Variants in PRDM9 observed in about 807,000 individuals in gnomAD.
PRDM9 encodes histone-lysine N-methyltransferase PRDM9.
PRDM9 carries 47 observed loss-of-function variants against 55.6 expected under a neutral mutation model. The observed-to-expected ratio is 0.85, with a 90% confidence interval of 0.67 to 1.08. The LOEUF is 1.08. PRDM9 is among the 50% of genes least tolerant of loss of function. PRDM9 has a pLI of 0.00. For synonymous variants in PRDM9, 312 were observed against 375.7 expected (o/e 0.83, Z 1.96); for missense variants, 867 against 1,040.3 (o/e 0.83, Z 2.29).
rs186504490 is a variant in PRDM9 at position 23,509,519 on chromosome 5, G to A, written c.119G>A (p.Trp40Ter). 137 of 1,614,170 alleles carry A rather than the reference G, an allele frequency of 8.5e-5. 1 individual carries two copies. The African/African-American group carries it at 1.7e-3, about 19-fold the overall frequency. Residue 40 changes from tryptophan to a stop codon, truncating the protein, a stop_gained, in exon 3 of 11, where the codon TGG becomes TAG. Coordinates refer to ENST00000296682, the MANE Select transcript of PRDM9 (RefSeq NM_020227.4). LOFTEE classifies it high-confidence loss of function. ...DISIYFTKEE[W>*]AEMGDWEKTR... Reference sequence around the variant, plus strand: ...TCCATATACTTCACCAAGGAAGAATGGGCAGAGATGGGAGACTGGGAGAAA... The same window carrying A: ...TCCATATACTTCACCAAGGAAGAATAGGCAGAGATGGGAGACTGGGAGAAA...
chr5:23,513,872 C>A (rs1423383239), intron 4 of PRDM9, among the ~76,000 whole-genome samples: 1 of 151,926 alleles, frequency 6.6e-6, no homozygotes, highest in Non-Finnish European at 1.5e-5. Flanking sequence ...GAACGAGACG[C>A]CGTGTCAAAA....
At chr5:23,510,131 T>A in intron 4 of PRDM9, 104 bp downstream of exon 4, 1 of 1,154,928 alleles carries the variant, frequency 8.7e-7, no homozygotes, top group Non-Finnish European at 1.2e-6. Flanking sequence ...CTTGGCTCAC[T>A]GCAATCTCCA....
Position 23,527,427 on chromosome 5 carries a change from A to G in PRDM9, c.2339A>G (p.Glu780Gly), listed in dbSNP as rs1359889939. ...HTGEKPYVCRECGRGFRDKSN... is the reference protein window; with the variant it reads ...HTGEKPYVCRGCGRGFRDKSN... ...GGGGAGAAGCCCTATGTCTGCAGGG[A>G]GTGTGGGCGGGGCTTTAGAGATAAG... Residue 780 changes from glutamate (E) to glycine (G), a missense_variant, in exon 11 of 11, where the codon GAG (glutamate) becomes GGG (glycine). By Grantham distance (98) the Glu-to-Gly change is moderately conservative (BLOSUM62 -2). Transcript: ENST00000296682. 1.9e-6 allele frequency: 3 copies of G among 1,598,220 alleles called. No homozygotes were observed. The East Asian group carries it at 6.8e-5, about 36-fold the overall frequency.
Position 23,521,121 on chromosome 5 carries a change from A to G in PRDM9, c.450A>G (p.Lys150=). The part of the protein sequence containing the change: ...LNASGSEQAQ[K]PVSPSGEAST... The stretch of plus-strand genomic sequence containing the variant: ...CAAGTGGCTCAGAGCAGGCTCAGAA[A>G]CCAGTGTCCCCTTCTGGAGAAGCAA... The change falls in exon 6 of 11, where the codon AAA becomes AAG. Residue 150 remains lysine (K), a synonymous_variant. Transcript: ENST00000296682. 1.2e-6 allele frequency: 2 copies of G among 1,614,076 alleles called. No homozygotes were observed. The highest frequency in any genetic ancestry group is 8.5e-7 in the Non-Finnish European group (1 of 1,180,034).
Position 23,522,670 on chromosome 5 carries a change from A to T in PRDM9, c.667A>T (p.Thr223Ser), listed in dbSNP as rs201384896. 3.7e-4 allele frequency: 599 copies of T among 1,614,030 alleles called. No individual in the cohort carries two copies. The highest frequency in any genetic ancestry group is 4.3e-4 in the Non-Finnish European group (508 of 1,180,028). The part of the protein sequence containing the change: ...IDSCAAHGPP[T>S]FVKDSAVDKG... ...CAGCTGTGCTGCCCATGGGCCCCCT[A>T]CATTTGTAAAGGACAGTGCAGTGGA... The change falls in exon 8 of 11, where the codon ACA becomes TCA. Residue 223 changes from threonine (T) to serine (S), a missense_variant. Coordinates refer to ENST00000296682, the MANE Select transcript of PRDM9 (RefSeq NM_020227.4).
At chr5:23,510,722 A>T (rs1227490344) in intron 4 of PRDM9, among the ~76,000 whole-genome samples, 2 of 151,706 alleles carry the variant, frequency 1.3e-5, no homozygotes, top group Non-Finnish European at 2.9e-5. Context: ...CCCAGGCTGG[A>T]GTGCAGTGGT....
At chr5:23,522,271 C>T in intron 6 of PRDM9, 33 bp from the exon 7 acceptor site, 1 of 1,551,784 alleles carries the variant, frequency 6.4e-7, no homozygotes, top group Non-Finnish European at 8.9e-7. Context: ...CCCCAGATTC[C>T]CAATTTTACC....
intron 10 of PRDM9, 58 bp from the exon 11 acceptor site, chr5:23,526,175 T>TC (rs1739424478): frequency 6.5e-7 from 1 of 1,526,744 alleles, no homozygotes; most frequent in African/African-American, 1.4e-5. Context: ...CTTCATACCT[T>TC]CATATGTGGT....
At position 23,521,097 on chromosome 5, in the gene PRDM9, A is replaced by G; in HGVS notation, c.426A>G (p.Ala142=). ...CAAGAACAGCAAATTTACTGAATGC[A>G]AGTGGCTCAGAGCAGGCTCAGAAAC... ...ELSRTANLLN[A]SGSEQAQKPV... is the part of the protein sequence containing the mutation. Residue 142 remains alanine (A), a synonymous_variant, in exon 6 of 11, where the codon GCA becomes GCG. Coordinates refer to ENST00000296682, the MANE Select transcript of PRDM9 (RefSeq NM_020227.4). 1.9e-6 allele frequency: 3 copies of G among 1,614,234 alleles called. No homozygotes were observed. In the East Asian group the frequency reaches 6.7e-5, roughly 36 times the overall value.
At chr5:23,524,103 A>C (rs1262538515) in intron 9 of PRDM9, among the ~76,000 whole-genome samples, 1 of 152,194 alleles carries the variant, frequency 6.6e-6, no homozygotes, top group African/African-American at 2.4e-5. Flanking sequence ...ATGGTTGATT[A>C]GGCATGGCAG....
chr5:23,525,361 C>T (rs764130110), intron 10 of PRDM9, among the ~76,000 whole-genome samples: 1 of 152,140 alleles, frequency 6.6e-6, no homozygotes, highest in Non-Finnish European at 1.5e-5. Flanking sequence ...GTGGGGAGCA[C>T]GGAGGTAAGT....
chr5:23,522,658 C>T lies in PRDM9; in HGVS notation c.655C>T (p.His219Tyr). Residue 219 changes from histidine (H) to tyrosine (Y), a missense_variant, in exon 8 of 11, where the codon CAT (histidine) becomes TAT (tyrosine). Around this residue, in one of 5 missense-constraint regions of PRDM9, gnomAD observed 662 missense variants for 711.9 expected, o/e 0.93. Transcript: ENST00000296682. ...CTTCTTCATTGACAGCTGTGCTGCCCATGGGCCCCCTACATTTGTAAAGGA... is the reference window on the plus strand; with the variant it reads ...CTTCTTCATTGACAGCTGTGCTGCCTATGGGCCCCCTACATTTGTAAAGGA... Reference protein sequence around the residue: ...QNFFIDSCAAHGPPTFVKDSA... With the variant: ...QNFFIDSCAAYGPPTFVKDSA... The T allele has an allele frequency of 6.2e-7, 1 of 1,614,218 alleles. No homozygotes were observed. The highest frequency in any genetic ancestry group is 1.3e-5 in the African/African-American group (1 of 75,072).
Position 23,513,771 on chromosome 5 carries a change from C to T in PRDM9, c.301+3744C>T, listed in dbSNP as rs542442232. On this transcript the variant is annotated intron_variant, in intron 4 of 10. Coordinates refer to ENST00000296682, the MANE Select transcript of PRDM9 (RefSeq NM_020227.4). ...GCGTGCACCTATAATCCCAGCTACT[C>T]GGTAGGCTGAAGTAGAAGAATCACT... Among the ~76,000 whole-genome samples, 5 of 152,096 alleles carry T rather than the reference C, an allele frequency of 3.3e-5. No individual in the cohort carries two copies. In the South Asian group the frequency reaches 6.2e-4, roughly 19 times the overall value.
Position 23,509,947 on chromosome 5 carries a change from T to A in PRDM9, c.221T>A (p.Met74Lys), listed in dbSNP as rs539052584. ...IGLRATRPAF[M>K]CHRRQAIKLQ... ...CTCAGAGCCACTCGACCAGCTTTCA[T>A]GTGTCACCGAAGGCAGGCCATCAAA... is the stretch of plus-strand genomic sequence containing the variant. The change falls in exon 4 of 11, where the codon ATG becomes AAG. Residue 74 changes from methionine to lysine, a missense_variant. Transcript: ENST00000296682. 6.2e-7 allele frequency: 1 copy of A among 1,613,970 alleles called. No individual in the cohort carries two copies. Among genetic ancestry groups the A allele is most frequent in the African/African-American group, 1.3e-5 (1 of 74,974 alleles).
At chr5:23,521,769 A>G (rs928500071) in intron 6 of PRDM9, among the ~76,000 whole-genome samples, 1 of 152,256 alleles carries the variant, frequency 6.6e-6, no homozygotes, top group Non-Finnish European at 1.5e-5. Context: ...GGTAATCTGT[A>G]AAATGAGACC....
At chr5:23,513,545 C>T (rs1219628829) in intron 4 of PRDM9, among the ~76,000 whole-genome samples, 1 of 152,028 alleles carries the variant, frequency 6.6e-6, no homozygotes, top group Non-Finnish European at 1.5e-5. Context: ...TTCAACTTCC[C>T]AGCCTCCAGA....
rs200367474 is a variant in PRDM9 at position 23,526,896 on chromosome 5, C to A, written c.1808C>A (p.Thr603Lys). The A allele has an allele frequency of 6.2e-5, 99 of 1,602,610 alleles. No individual in the cohort carries two copies. Among genetic ancestry groups the A allele is most frequent in the Non-Finnish European group, 8.2e-5 (96 of 1,176,816 alleles). ...CTCCTCACTCACCAGAGGACACACACAGGGGAGAAGCCCTATGTCTGCAGG... is the reference window on the plus strand; with the variant it reads ...CTCCTCACTCACCAGAGGACACACAAAGGGGAGAAGCCCTATGTCTGCAGG... ...SVLLTHQRTH[T>K]GEKPYVCREC... The change falls in exon 11 of 11, where the codon ACA becomes AAA. Residue 603 changes from threonine (T) to lysine (K), a missense_variant. Transcript: ENST00000296682.
intron 5 of PRDM9, among the ~76,000 whole-genome samples, chr5:23,518,353 A>G (rs185214154): frequency 1.3e-4 from 20 of 152,334 alleles, no homozygotes; most frequent in African/African-American, 4.1e-4. Context: ...AAGATCATTA[A>G]CACAAGATCA....
At chr5:23,526,158 A>C (rs1349422804) in intron 10 of PRDM9, 75 bp from the exon 11 acceptor site, 1 of 1,491,986 alleles carries the variant, frequency 6.7e-7, no homozygotes, top group Non-Finnish European at 9.4e-7. Flanking sequence ...TTGTTTCTTC[A>C]TTTGATCTTC....
Sources: gnomAD v4.1 joint callset for allele counts (sites outside exome capture counted in the v4.1 genomes callset) on GRCh38, gnomAD v4.1.1 for gene constraint, gnomAD v4.1.1 regional missense constraint, MANE v1.5 for transcripts, NCBI Gene and HGNC (gene_info 2026-07-23, HGNC 2026-07-21) for gene names.